Variants in GADL1 observed in about 807,000 individuals in gnomAD.
GADL1 encodes acidic amino acid decarboxylase GADL1.
Under a neutral mutation model 69.5 loss-of-function variants are expected in GADL1, and 71 were observed. The ratio of observed to expected loss-of-function variants is 1.02; its 90% CI spans 0.84 to 1.25. The LOEUF (loss-of-function observed/expected upper bound fraction) is 1.25, where lower values mean the gene tolerates loss of function less well. Ranked by LOEUF, GADL1 falls within the 50% of genes most tolerant of loss-of-function variation. The pLI is 0.00. For synonymous variants in GADL1, 254 were observed against 214.4 expected, an observed-to-expected ratio of 1.18 and a Z score of -1.62; for missense variants, 737 against 631.8, an observed-to-expected ratio of 1.17 and a Z score of -1.79.
intron 14 of GADL1, among the ~76,000 whole-genome samples, chr3:30,738,911 T>C (rs150191121): frequency 4.9e-4 from 75 of 152,340 alleles, no homozygotes; most frequent in African/African-American, 1.8e-3. Context: ...CAACTTTCTC[T>C]GAGAATTCTA....
At chr3:30,885,321 A>T (rs891156687) in intron 1 of GADL1, among the ~76,000 whole-genome samples, 1 of 152,078 alleles carries the variant, frequency 6.6e-6, no homozygotes, top group African/African-American at 2.4e-5. Flanking sequence ...GCAACAGAGG[A>T]TTAATTAGAA....
chr3:30,870,352 A>G (rs1056991146), intron 1 of GADL1, among the ~76,000 whole-genome samples: 4 of 151,840 alleles, frequency 2.6e-5, no homozygotes, highest in Non-Finnish European at 5.9e-5. Context: ...AGAATGATCC[A>G]GGAAGAAGGA....
At chr3:30,884,385 C>T (rs1220050959) in intron 1 of GADL1, among the ~76,000 whole-genome samples, 1 of 151,982 alleles carries the variant, frequency 6.6e-6, no homozygotes, top group Non-Finnish European at 1.5e-5. Flanking sequence ...TGCAAGTCTG[C>T]AGCACCTGTC....
chr3:30,863,113 T>A (rs1439212934), intron 1 of GADL1, among the ~76,000 whole-genome samples: 5 of 151,952 alleles, frequency 3.3e-5, no homozygotes, highest in African/African-American at 1.2e-4. Flanking sequence ...AGGGATACCA[T>A]ATTTTCCCTT....
intron 11 of GADL1, among the ~76,000 whole-genome samples, chr3:30,821,610 CA>C (rs1697582032): frequency 6.6e-6 from 1 of 151,858 alleles, no homozygotes. Context: ...GCTAAAATCA[CA>C]CAAAGATGTT....
chr3:30,806,679 A>G (rs1697262256), intron 11 of GADL1, among the ~76,000 whole-genome samples: 4 of 152,238 alleles, frequency 2.6e-5, no homozygotes, highest in Admixed American at 1.3e-4. Context: ...CGAGGGTCAT[A>G]TTCACCACCT....
At chr3:30,802,037 T>G (rs1326535943) in intron 11 of GADL1, among the ~76,000 whole-genome samples, 2 of 152,220 alleles carry the variant, frequency 1.3e-5, no homozygotes, top group African/African-American at 2.4e-5. Flanking sequence ...TGCAGTCTAC[T>G]TATAAGCTGC....
At chr3:30,819,700 A>G (rs1697537037) in intron 11 of GADL1, among the ~76,000 whole-genome samples, 1 of 152,120 alleles carries the variant, frequency 6.6e-6, no homozygotes, top group Non-Finnish European at 1.5e-5. Flanking sequence ...ATAAATGCAA[A>G]AAGTGATTCC....
intron 11 of GADL1, among the ~76,000 whole-genome samples, chr3:30,833,201 C>CCA (rs1443209410): frequency 6.6e-6 from 1 of 151,986 alleles, no homozygotes; most frequent in African/African-American, 2.4e-5. Context: ...GGGCCACTTC[C>CCA]CACAAGGATC....
At chr3:30,875,216 A>T in intron 1 of GADL1, among the ~76,000 whole-genome samples, 1 of 151,556 alleles carries the variant, frequency 6.6e-6, no homozygotes, top group African/African-American at 2.4e-5. Context: ...ATATAGAGAA[A>T]AAAAAAAAAA....
At chr3:30,819,105 T>G (rs1271506416) in intron 11 of GADL1, among the ~76,000 whole-genome samples, 1 of 151,896 alleles carries the variant, frequency 6.6e-6, no homozygotes, top group African/African-American at 2.4e-5. Context: ...AGGGGGAGGC[T>G]TCCCACATTG....
At chr3:30,885,488 C>G (rs1698691118) in intron 1 of GADL1, among the ~76,000 whole-genome samples, 1 of 151,984 alleles carries the variant, frequency 6.6e-6, no homozygotes, top group African/African-American at 2.4e-5. Flanking sequence ...TCATCCCCAC[C>G]AAGTTTTGTT....
intron 6 of GADL1, among the ~76,000 whole-genome samples, chr3:30,845,330 T>C (rs1207206779): frequency 6.6e-6 from 1 of 152,174 alleles, no homozygotes; most frequent in East Asian, 1.9e-4. Context: ...TATGTCGCTC[T>C]TCATACATTA....
At chr3:30,857,566 CA>C (rs1471995352) in intron 2 of GADL1, among the ~76,000 whole-genome samples, 5 of 151,884 alleles carry the variant, frequency 3.3e-5, no homozygotes, top group Admixed American at 3.3e-4. Flanking sequence ...AGGAAATAAA[CA>C]GGAATGCTGA....
At position 30,839,120 on chromosome 3, in the gene GADL1, G is replaced by C; in HGVS notation, c.787-7C>G. ...CAAGAAACGGTGCTGCCCCCTGTAA[G>C]AAGGATCCACACACACAAAATTATC... On this transcript the variant is annotated splice_polypyrimidine_tract_variant and splice_region_variant and intron_variant, in intron 8 of 14. Transcript: ENST00000282538. 1.3e-6 allele frequency: 2 copies of C among 1,531,484 alleles called. No homozygotes were observed. The highest frequency in any genetic ancestry group is 1.8e-6 in the Non-Finnish European group (2 of 1,135,488). The allele number at this position is 1,531,484 out of a possible 1,614,324, so 94.9% of individuals were successfully genotyped here. A position where few individuals can be genotyped will look rare whatever the true frequency, so the allele number is the denominator to read the frequency against.
At chr3:30,876,491 T>C (rs1192552665) in intron 1 of GADL1, among the ~76,000 whole-genome samples, 1 of 152,020 alleles carries the variant, frequency 6.6e-6, no homozygotes, top group African/African-American at 2.4e-5. Flanking sequence ...TATTTAACAC[T>C]TGTAATGAAC....
chr3:30,848,399 T>A (rs1383055712), intron 6 of GADL1, among the ~76,000 whole-genome samples: 2 of 152,018 alleles, frequency 1.3e-5, no homozygotes, highest in African/African-American at 4.8e-5. Flanking sequence ...TTTCTCCTAC[T>A]GAGGAGAAAT....
At chr3:30,731,842 C>A (rs901727658) in intron 14 of GADL1, among the ~76,000 whole-genome samples, 1 of 152,150 alleles carries the variant, frequency 6.6e-6, no homozygotes, top group Non-Finnish European at 1.5e-5. Flanking sequence ...ATGAATACTT[C>A]GCGGGAAAGA....
Position 30,786,350 on chromosome 3 carries a change from CT to C in GADL1, c.1302+4del. 6.5e-7 allele frequency: 1 copy of C among 1,548,658 alleles called. No homozygotes were observed. The highest frequency in any genetic ancestry group is 8.9e-7 in the Non-Finnish European group (1 of 1,121,676). On this transcript the variant is annotated splice_donor_region_variant and intron_variant, in intron 13 of 14. Transcript: ENST00000282538. ...AATCACAAGCACAATTATGCAATCA[CT>C]TACTTCCATCAGTAACTTGAATCCT...
Sources: allele counts gnomAD v4.1 joint callset (sites outside exome capture counted in the v4.1 genomes callset), GRCh38; gene constraint gnomAD v4.1.1; transcripts MANE v1.5; gene names NCBI Gene and HGNC (gene_info 2026-07-23, HGNC 2026-07-21).